TRPC4: variants seen among roughly 807,000 people sequenced by gnomAD.
TRPC4 encodes transient receptor potential cation channel subfamily C member 4.
In TRPC4, 49 loss-of-function variants were observed where a neutral mutation model predicts 99.4. That is an observed-to-expected ratio of 0.49 (90% CI 0.39 to 0.63). The LOEUF (loss-of-function observed/expected upper bound fraction) is 0.63. Among genes scored for constraint, TRPC4 ranks in the 20% least tolerant of loss-of-function variants. TRPC4 has a pLI of 0.00. For missense variants in TRPC4, 898 were observed against 1,152.9 expected (o/e 0.78, Z 3.20); for synonymous variants, 454 against 425.9 (o/e 1.07, Z -0.81).
chr13:37,789,111 G>A (rs1957046449), intron 1 of TRPC4, among the ~76,000 whole-genome samples: 2 of 152,102 alleles, frequency 1.3e-5, no homozygotes, highest in South Asian at 4.2e-4. Context: ...CTTTCTTACT[G>A]ATAGTCTCTA....
At chr13:37,676,861 A>T (rs962215649) in intron 4 of TRPC4, among the ~76,000 whole-genome samples, 6 of 152,260 alleles carry the variant, frequency 3.9e-5, no homozygotes, top group Admixed American at 6.5e-5. Context: ...GAAGGTGTAT[A>T]ATATTGGACA....
intron 2 of TRPC4, among the ~76,000 whole-genome samples, chr13:37,746,987 C>T (rs1300275062): frequency 6.6e-6 from 1 of 152,088 alleles, no homozygotes; most frequent in Non-Finnish European, 1.5e-5. Flanking sequence ...AATGTGGCAG[C>T]AAAAATAAGT....
At chr13:37,650,604 T>TATACACA (rs1263454496) in intron 8 of TRPC4, among the ~76,000 whole-genome samples, 1 of 59,340 alleles carries the variant, frequency 1.7e-5, no homozygotes, top group South Asian at 7.7e-4. Context: ...TCTCTCTCTC[T>TATACACA]CTCTCTATAC....
At chr13:37,728,274 T>C (rs897341128) in intron 3 of TRPC4, among the ~76,000 whole-genome samples, 6 of 151,994 alleles carry the variant, frequency 3.9e-5, no homozygotes, top group African/African-American at 1.4e-4. Flanking sequence ...TGTAGTCTTA[T>C]ATGCAGAAAA....
intron 1 of TRPC4, among the ~76,000 whole-genome samples, chr13:37,803,938 A>G (rs1438019678): frequency 6.6e-6 from 1 of 152,090 alleles, no homozygotes; most frequent in Non-Finnish European, 1.5e-5. Context: ...TGAGGCATTA[A>G]AAAGTCCCTC....
chr13:37,847,261 A>C (rs1958932450), intron 1 of TRPC4, among the ~76,000 whole-genome samples: 1 of 152,090 alleles, frequency 6.6e-6, no homozygotes, highest in Admixed American at 6.6e-5. Context: ...TGCATATGGA[A>C]CATTCTCCAG....
At chr13:37,821,816 A>C (rs1474980505) in intron 1 of TRPC4, among the ~76,000 whole-genome samples, 2 of 152,168 alleles carry the variant, frequency 1.3e-5, no homozygotes, top group Non-Finnish European at 2.9e-5. Context: ...TCAGCTCAAG[A>C]TAGATTAAAG....
rs1951530674 is a variant in TRPC4, at chr13:37,636,770, A to G, written c.*133T>C. On this transcript the variant is annotated 3_prime_UTR_variant, in exon 11 of 11. Transcript: ENST00000379705. ...CCTTTGCCTTATTTAAACATGTTAC[A>G]GGTAATATGCCACAGCTGATAAACG... 1.9e-6 allele frequency: 2 copies of G among 1,028,664 alleles called. No individual in the cohort carries two copies. Among genetic ancestry groups the G allele is most frequent in the Non-Finnish European group, 2.6e-6 (2 of 755,058 alleles). 63.7% of individuals were successfully genotyped at this position (1,028,664 alleles called of 1,614,324 possible).
intron 3 of TRPC4, among the ~76,000 whole-genome samples, chr13:37,701,310 A>G (rs1566107064): frequency 1.3e-5 from 2 of 152,094 alleles, no homozygotes; most frequent in Admixed American, 6.6e-5. Flanking sequence ...CTAATTGTCA[A>G]TGATTCCTGC....
chr13:37,773,300 G>A (rs897772405), intron 2 of TRPC4, among the ~76,000 whole-genome samples: 3 of 151,736 alleles, frequency 2.0e-5, no homozygotes, highest in African/African-American at 7.3e-5. Flanking sequence ...AATCTCACTT[G>A]AGCAAGTTAA....
chr13:37,797,146 C>T (rs892759862), intron 1 of TRPC4, among the ~76,000 whole-genome samples: 21 of 151,472 alleles, frequency 1.4e-4, no homozygotes, highest in African/African-American at 4.8e-4. Flanking sequence ...TACCACTGCA[C>T]TCCAGCCTGG....
chr13:37,648,204 G>A (rs1210782574), intron 8 of TRPC4, among the ~76,000 whole-genome samples: 2 of 152,174 alleles, frequency 1.3e-5, no homozygotes, highest in Non-Finnish European at 2.9e-5. Context: ...GCCTCCCAAA[G>A]TGCTGGGATT....
chr13:37,647,610 A>C (rs1466287521), intron 8 of TRPC4, among the ~76,000 whole-genome samples: 3 of 152,254 alleles, frequency 2.0e-5, no homozygotes, highest in African/African-American at 7.2e-5. Context: ...CTAAGAGAGC[A>C]TGAGACAATG....
At chr13:37,780,146 A>G (rs1189953696) in intron 2 of TRPC4, among the ~76,000 whole-genome samples, 1 of 152,044 alleles carries the variant, frequency 6.6e-6, no homozygotes, top group East Asian at 1.9e-4. Context: ...GTGTAGACAA[A>G]TTCATCTGAA....
intron 6 of TRPC4, among the ~76,000 whole-genome samples, chr13:37,662,559 A>G (rs1952482296): frequency 6.6e-6 from 1 of 152,158 alleles, no homozygotes; most frequent in Non-Finnish European, 1.5e-5. Context: ...AGAAATTACC[A>G]TCCTCTCTTA....
At chr13:37,747,006 C>T (rs1174869321) in intron 2 of TRPC4, among the ~76,000 whole-genome samples, 1 of 152,110 alleles carries the variant, frequency 6.6e-6, no homozygotes, top group Admixed American at 6.6e-5. Flanking sequence ...GTGGGCTGGC[C>T]TCATGCTTCC....
At chr13:37,803,186 T>C (rs1211716904) in intron 1 of TRPC4, among the ~76,000 whole-genome samples, 1 of 152,090 alleles carries the variant, frequency 6.6e-6, no homozygotes, top group African/African-American at 2.4e-5. Context: ...ATTCACTTTC[T>C]GTCACTACAA....
At chr13:37,689,824 T>A (rs1159972448) in intron 4 of TRPC4, among the ~76,000 whole-genome samples, 1 of 152,228 alleles carries the variant, frequency 6.6e-6, no homozygotes, top group African/African-American at 2.4e-5. Context: ...TGACATTATA[T>A]CACAAATCTA....
At position 37,789,993 on chromosome 13, in the gene TRPC4, T is replaced by C. The variant is rs142025407; in HGVS notation, c.-27-6633A>G. Among the ~76,000 whole-genome samples, 670 of 152,196 alleles carry C rather than the reference T, an allele frequency of 4.4e-3. 4 individuals carry two copies. Among genetic ancestry groups the C allele is most frequent in the African/African-American group, 0.015 (643 of 41,552 alleles). On this transcript the variant is annotated intron_variant, in intron 1 of 10. Transcript: ENST00000379705. The stretch of plus-strand genomic sequence containing the variant: ...TAACAGGAGAATAAAACATGCATAT[T>C]AATCTCTACAAAATTATAAAAAGGG...
Sources: gnomAD v4.1 joint callset for allele counts (sites outside exome capture counted in the v4.1 genomes callset) on GRCh38, gnomAD v4.1.1 for gene constraint, MANE v1.5 for transcripts, NCBI Gene and HGNC (gene_info 2026-07-23, HGNC 2026-07-21) for gene names.